The following FOXA3 variants were observed in gnomAD, a reference collection of about 807,000 sequenced individuals.
FOXA3 encodes hepatocyte nuclear factor 3-gamma.
FOXA3 carries 11 observed loss-of-function variants against 16.9 expected under a neutral mutation model. The ratio of observed to expected loss-of-function variants is 0.65; its 90% CI spans 0.41 to 1.08. The LOEUF (loss-of-function observed/expected upper bound fraction) is 1.08. Among genes scored for constraint, FOXA3 ranks in the 50% least tolerant of loss-of-function variants. The pLI is 0.00. For synonymous variants in FOXA3, 217 were observed against 203.3 expected (o/e 1.07, Z -0.57); for missense variants, 423 against 470.1 (o/e 0.90, Z 0.93).
In FOXA3 at chr19:45,873,117, G is replaced by C; in HGVS notation, c.*59G>C. On this transcript the variant is annotated 3_prime_UTR_variant, in exon 2 of 2. Coordinates refer to ENST00000302177, the MANE Select transcript of FOXA3 (RefSeq NM_004497.3). The stretch of plus-strand genomic sequence containing the variant: ...GAGCTCACACCACGAAGCTCTTGGG[G>C]CCTGATCCTTCTGGTGACACTTCAC... 3.9e-6 allele frequency: 6 copies of C among 1,552,416 alleles called. No individual in the cohort carries two copies. Among genetic ancestry groups the C allele is most frequent in the Non-Finnish European group, 5.2e-6 (6 of 1,147,580 alleles).
chr19:45,869,199 C>A (rs1417558592), intron 1 of FOXA3, among the ~76,000 whole-genome samples: 1 of 152,104 alleles, frequency 6.6e-6, no homozygotes, highest in Non-Finnish European at 1.5e-5. Flanking sequence ...CTCAGCCTCC[C>A]AAAGTGCTGG....
rs753059025 is a variant in FOXA3, at chr19:45,872,769, C to T, written c.764C>T (p.Pro255Leu). ...ATVTSPPQPP[P>L]PAPEPEAQGG... Reference sequence around the variant, plus strand: ...GTCACCTCCCCGCCCCAGCCCCCGCCTCCAGCCCCTGAGCCTGAGGCCCAG... The same window carrying T: ...GTCACCTCCCCGCCCCAGCCCCCGCTTCCAGCCCCTGAGCCTGAGGCCCAG... The change falls in exon 2 of 2, where the codon CCT becomes CTT. Residue 255 changes from proline (P) to leucine (L), a missense_variant. This residue lies in a region of FOXA3 where 168 missense variants were observed against 179.3 expected (regional missense o/e 0.94). Coordinates refer to ENST00000302177, the MANE Select transcript of FOXA3 (RefSeq NM_004497.3). The surrounding 1 kb of genome is among the most constrained non-coding windows in gnomAD (Gnocchi z 4.5). 1 of 1,610,626 alleles carries T rather than the reference C, an allele frequency of 6.2e-7. No individual in the cohort carries two copies. Among genetic ancestry groups the T allele is most frequent in the Non-Finnish European group, 8.5e-7 (1 of 1,179,348 alleles).
chr19:45,871,570 CAAAAA>C (rs58715842), intron 1 of FOXA3, among the ~76,000 whole-genome samples: 1 of 86,924 alleles, frequency 1.2e-5, no homozygotes. Context: ...ACTAAAAATA[CAAAAA>C]AAAAAAAAAA....
intron 1 of FOXA3, among the ~76,000 whole-genome samples, 162 bp downstream of exon 1, chr19:45,864,687 G>C (rs3810329): frequency 0.14 from 21,667 of 152,170 alleles, 1,611 homozygotes; most frequent in South Asian, 0.18. Context: ...GTCGGGGACC[G>C]GGGACGAGGC....
chr19:45,867,451 A>ATGGATGGATG (rs1972094555), intron 1 of FOXA3, among the ~76,000 whole-genome samples: 4 of 150,806 alleles, frequency 2.7e-5, no homozygotes, highest in Non-Finnish European at 5.9e-5. Context: ...ATAGATAGAT[A>ATGGATGGATG]GATAGATGCA....
chr19:45,865,719 A>C (rs8112654), intron 1 of FOXA3, among the ~76,000 whole-genome samples: 19,120 of 151,850 alleles, frequency 0.13, 1,639 homozygotes, highest in East Asian at 0.34. Context: ...CCAGGCCTTC[A>C]GGGCTGGGCA....
intron 1 of FOXA3, among the ~76,000 whole-genome samples, chr19:45,870,661 C>T (rs1255577311): frequency 6.6e-6 from 1 of 151,284 alleles, no homozygotes; most frequent in Non-Finnish European, 1.5e-5. Context: ...CCTCAGACTC[C>T]TGGGCTCAAG....
At chr19:45,865,563 TG>T (rs1026991862) in intron 1 of FOXA3, among the ~76,000 whole-genome samples, 1 of 152,008 alleles carries the variant, frequency 6.6e-6, no homozygotes, top group Non-Finnish European at 1.5e-5. Flanking sequence ...ACTTCTAACC[TG>T]GAAGGGGACT....
intron 1 of FOXA3, among the ~76,000 whole-genome samples, chr19:45,868,494 C>G (rs949903220): frequency 5.8e-4 from 87 of 150,920 alleles, no homozygotes; most frequent in African/African-American, 2.1e-3. Context: ...GCAGGAGAAT[C>G]GCTTGAACCT....
chr19:45,868,492 A>T (rs1972106302), intron 1 of FOXA3, among the ~76,000 whole-genome samples: 1 of 151,642 alleles, frequency 6.6e-6, no homozygotes, highest in South Asian at 2.1e-4. Context: ...AGGCAGGAGA[A>T]TCGCTTGAAC....
rs755785237 is a variant in FOXA3, at chr19:45,872,551, A to C, written c.546A>C (p.Pro182=). ...NDCFVKVARS[P]DKPGKGSYWA... ...GCTTCGTCAAGGTGGCGCGTTCCCC[A>C]GACAAGCCTGGCAAGGGCTCCTACT... Residue 182 remains proline (P), a synonymous_variant, in exon 2 of 2, where the codon CCA becomes CCC. Transcript: ENST00000302177. This position sits in a 1 kb window ranked among gnomAD's most constrained non-coding sequence, Gnocchi z 4.5. 6.2e-7 allele frequency: 1 copy of C among 1,614,040 alleles called. No homozygotes were observed. Among genetic ancestry groups the C allele is most frequent in the Non-Finnish European group, 8.5e-7 (1 of 1,180,022 alleles).
At position 45,872,407 on chromosome 19, in the gene FOXA3, G is replaced by C. The variant is rs766381222; in HGVS notation, c.402G>C (p.Pro134=). The change falls in exon 2 of 2, where the codon CCG becomes CCC. Residue 134 remains proline (P), a synonymous_variant. Transcript: ENST00000302177. The surrounding 1 kb of genome is among the most constrained non-coding windows in gnomAD (Gnocchi z 4.5). ...TCACCATGGCCATCCAGCAGGCGCC[G>C]GGCAAGATGCTGACCTTGAGTGAAA... The part of the protein sequence containing the change: ...SLITMAIQQA[P]GKMLTLSEIY... 6.2e-7 allele frequency: 1 copy of C among 1,614,228 alleles called. No homozygotes were observed.
At chr19:45,867,460 C>G (rs201020373) in intron 1 of FOXA3, among the ~76,000 whole-genome samples, 5 of 126,620 alleles carry the variant, frequency 3.9e-5, no homozygotes, top group East Asian at 4.7e-4. Context: ...TAGATAGATG[C>G]ATGGATGGAT....
intron 1 of FOXA3, among the ~76,000 whole-genome samples, chr19:45,864,939 G>A (rs528415470): frequency 6.6e-6 from 1 of 152,204 alleles, no homozygotes; most frequent in South Asian, 2.1e-4. Flanking sequence ...CTAAAAGATG[G>A]AGGAGGAGTC....
chr19:45,865,179 TGGCAGGAGAGGGGCCGATCTC>T (rs1972071672), intron 1 of FOXA3, among the ~76,000 whole-genome samples: 1 of 151,892 alleles, frequency 6.6e-6, no homozygotes, highest in East Asian at 1.9e-4. Context: ...CCATCAGCAT[TGGCAGGAGAGGGGCCGATCTC>T]CACCCCCCCA....
chr19:45,866,344 G>A (rs923034633), intron 1 of FOXA3, among the ~76,000 whole-genome samples: 10 of 152,062 alleles, frequency 6.6e-5, no homozygotes, highest in Non-Finnish European at 8.8e-5. Flanking sequence ...CTGGGAGTTC[G>A]AGCTGCCGGG....
chr19:45,868,635 C>T (rs568650968), intron 1 of FOXA3, among the ~76,000 whole-genome samples: 17 of 148,034 alleles, frequency 1.1e-4, no homozygotes, highest in Admixed American at 8.7e-4. Flanking sequence ...ATCCAGTTAA[C>T]TCACATTTGG....
intron 1 of FOXA3, among the ~76,000 whole-genome samples, chr19:45,870,211 C>T (rs1345533699): frequency 2.6e-5 from 4 of 151,134 alleles, no homozygotes; most frequent in South Asian, 4.2e-4. Context: ...TCACTGTCGC[C>T]CAGGCTGGAG....
At chr19:45,866,365 G>A (rs941691431) in intron 1 of FOXA3, among the ~76,000 whole-genome samples, 26 of 152,098 alleles carry the variant, frequency 1.7e-4, no homozygotes, top group African/African-American at 5.3e-4. Context: ...AGCTGTGATC[G>A]TATCACGGCA....
Sources: allele counts gnomAD v4.1 joint callset (sites outside exome capture counted in the v4.1 genomes callset), GRCh38; gene constraint gnomAD v4.1.1; regional missense constraint gnomAD v4.1.1; non-coding constraint Gnocchi (gnomAD v3.1); transcripts MANE v1.5; gene names NCBI Gene and HGNC (gene_info 2026-07-23, HGNC 2026-07-21).